MAGI2: variants seen among roughly 807,000 people sequenced by gnomAD.
The protein encoded by MAGI2 is membrane-associated guanylate kinase, WW and PDZ domain-containing protein 2.
MAGI2 carries 35 observed loss-of-function variants against 133.3 expected under a neutral mutation model. That is an observed-to-expected ratio of 0.26 (90% CI 0.20 to 0.35). The LOEUF (loss-of-function observed/expected upper bound fraction) is 0.35. Ranked by LOEUF, MAGI2 falls within the 10% of genes least tolerant of loss-of-function variation. MAGI2 has a pLI of 1.00. For missense variants in MAGI2, 1,636 were observed against 1,863.4 expected (o/e 0.88, Z 2.25); for synonymous variants, 729 against 710.6 (o/e 1.03, Z -0.41).
At chr7:79,212,617 G>A (rs969676499) in intron 1 of MAGI2, among the ~76,000 whole-genome samples, 4 of 152,022 alleles carry the variant, frequency 2.6e-5, no homozygotes, top group Admixed American at 2.6e-4. Flanking sequence ...AACTGTAACT[G>A]GGATTCTTCG....
chr7:79,420,010 A>T lies in MAGI2; in HGVS notation c.301+33010T>A, dbSNP rs116208775. On this transcript the variant is annotated intron_variant, in intron 1 of 21. Transcript: ENST00000354212. Reference sequence around the variant, plus strand: ...ACAAGGGCATATTATTGGTTACATCAATGCACAGTGGGATGTCTCACTAGA... The same window carrying T: ...ACAAGGGCATATTATTGGTTACATCTATGCACAGTGGGATGTCTCACTAGA... Among the ~76,000 whole-genome samples, 432 of 152,184 alleles carry T rather than the reference A, an allele frequency of 2.8e-3. 5 individuals carry two copies. The highest frequency in any genetic ancestry group is 0.01 in the African/African-American group (417 of 41,574).
chr7:79,189,137 T>C (rs1827428537), intron 1 of MAGI2, among the ~76,000 whole-genome samples: 1 of 151,708 alleles, frequency 6.6e-6, no homozygotes, highest in Admixed American at 6.6e-5. Context: ...TTTGTGATCA[T>C]TAGGTCAAAG....
At chr7:79,101,842 AC>A in intron 1 of MAGI2, among the ~76,000 whole-genome samples, 1 of 151,808 alleles carries the variant, frequency 6.6e-6, no homozygotes, top group Non-Finnish European at 1.5e-5. Context: ...TTTAAAATTC[AC>A]TTTTATTATC....
intron 2 of MAGI2, among the ~76,000 whole-genome samples, chr7:78,664,876 T>C (rs1468300045): frequency 6.6e-6 from 1 of 152,032 alleles, no homozygotes; most frequent in East Asian, 1.9e-4. Flanking sequence ...ATTCTCATAG[T>C]AAAAAATACT....
chr7:79,292,770 C>CAA lies in MAGI2; in HGVS notation c.301+160248_301+160249dup, dbSNP rs199933554. Among the ~76,000 whole-genome samples, 467 of 57,340 alleles carry CAA rather than the reference C, an allele frequency of 8.1e-3. 96 individuals carry two copies. The highest frequency in any genetic ancestry group is 0.03 in the African/African-American group (428 of 14,484). 37.6% of individuals were successfully genotyped at this position (57,340 alleles called of 152,430 possible). On this transcript the variant is annotated intron_variant, in intron 1 of 21. Coordinates refer to ENST00000354212, the MANE Select transcript of MAGI2 (RefSeq NM_012301.4). ...TTTTGGACCACTTTGTCAATTTCTG[C>CAA]AAAAAAAAAAAAAAAAAAAAAAAAA... is the stretch of plus-strand genomic sequence containing the variant.
rs570603920 is a variant in MAGI2, at chr7:78,778,491, C to T, written c.419-151252G>A. Among the ~76,000 whole-genome samples the T allele has an allele frequency of 4.6e-5, 7 of 152,270 alleles. No individual in the cohort carries two copies. In the South Asian group the frequency reaches 1.0e-3, roughly 23 times the overall value. On this transcript the variant is annotated intron_variant, in intron 2 of 21. Coordinates refer to ENST00000354212, the MANE Select transcript of MAGI2 (RefSeq NM_012301.4). ...TTTGTATAATCTTAAAAGTTAAAAA[C>T]ATTCCTTAGAAGTAGAAACTAAAAA...
intron 1 of MAGI2, among the ~76,000 whole-genome samples, chr7:79,214,399 CTCTCTCTCTATATATATATA>C (rs1181346485): frequency 1.7e-4 from 12 of 72,164 alleles, no homozygotes; most frequent in African/African-American, 7.3e-4. Flanking sequence ...CTCTCTCTCT[CTCTCTCTCTATATATATATA>C]TATATATATA....
chr7:78,842,215 GTA>G (rs1253090271), intron 2 of MAGI2, among the ~76,000 whole-genome samples: 1 of 151,918 alleles, frequency 6.6e-6, no homozygotes, highest in African/African-American at 2.4e-5. Flanking sequence ...GAAAGAGAAA[GTA>G]TTGCACTGAA....
intron 2 of MAGI2, among the ~76,000 whole-genome samples, chr7:78,808,717 G>T (rs1482950791): frequency 6.6e-6 from 1 of 152,226 alleles, no homozygotes; most frequent in Non-Finnish European, 1.5e-5. Flanking sequence ...CATGTGGTGA[G>T]TTAAGGAGGA....
At chr7:78,516,483 G>C (rs931371587) in intron 4 of MAGI2, among the ~76,000 whole-genome samples, 1 of 152,238 alleles carries the variant, frequency 6.6e-6, no homozygotes, top group Non-Finnish European at 1.5e-5. Flanking sequence ...CTGCCAAGGA[G>C]CTGGGACTAC....
intron 1 of MAGI2, among the ~76,000 whole-genome samples, chr7:79,436,401 C>T (rs1848147635): frequency 6.6e-6 from 1 of 152,078 alleles, no homozygotes; most frequent in Admixed American, 6.5e-5. Flanking sequence ...GAACTATCAA[C>T]AGAGTAAACA....
chr7:79,205,464 G>C (rs1467403371), intron 1 of MAGI2, among the ~76,000 whole-genome samples: 1 of 151,912 alleles, frequency 6.6e-6, no homozygotes, highest in African/African-American at 2.4e-5. Context: ...CTTACCTGCA[G>C]ACCTGTCTTA....
At chr7:79,139,671 G>T (rs866166842) in intron 1 of MAGI2, among the ~76,000 whole-genome samples, 5 of 152,158 alleles carry the variant, frequency 3.3e-5, no homozygotes, top group African/African-American at 4.8e-5. Context: ...TACTATACAC[G>T]AATTGAGTGG....
At chr7:79,256,698 T>C (rs1833707694) in intron 1 of MAGI2, among the ~76,000 whole-genome samples, 1 of 151,866 alleles carries the variant, frequency 6.6e-6, no homozygotes, top group Admixed American at 6.6e-5. Context: ...CCGTGCTGCC[T>C]AAGGCTAGTC....
intron 20 of MAGI2, among the ~76,000 whole-genome samples, chr7:78,119,582 A>C (rs1220866905): frequency 6.6e-6 from 1 of 150,930 alleles, no homozygotes; most frequent in African/African-American, 2.4e-5. Flanking sequence ...AAAAAAAAAA[A>C]AGAATGTACA....
chr7:78,908,321 C>T (rs1798136524), intron 2 of MAGI2, among the ~76,000 whole-genome samples: 1 of 152,102 alleles, frequency 6.6e-6, no homozygotes, highest in Admixed American at 6.5e-5. Flanking sequence ...GGAAGTATAC[C>T]AGTGTTTAAA....
At chr7:78,873,879 G>C (rs1378638884) in intron 2 of MAGI2, among the ~76,000 whole-genome samples, 1 of 151,936 alleles carries the variant, frequency 6.6e-6, no homozygotes, top group African/African-American at 2.4e-5. Context: ...GCTCACAGGG[G>C]AGAGGTAATG....
intron 1 of MAGI2, among the ~76,000 whole-genome samples, chr7:79,310,235 CG>C (rs1838174899): frequency 8.0e-6 from 1 of 124,660 alleles, no homozygotes; most frequent in Non-Finnish European, 1.6e-5. Flanking sequence ...GTTAAATATT[CG>C]AATGCATTTT....
chr7:78,504,471 G>A (rs1794912480), intron 4 of MAGI2, among the ~76,000 whole-genome samples: 1 of 152,078 alleles, frequency 6.6e-6, no homozygotes, highest in South Asian at 2.1e-4. Flanking sequence ...TACCGTTAGG[G>A]TAAATACGAA....
Sources: gnomAD v4.1 joint callset for allele counts (sites outside exome capture counted in the v4.1 genomes callset) on GRCh38, gnomAD v4.1.1 for gene constraint, MANE v1.5 for transcripts, NCBI Gene and HGNC (gene_info 2026-07-23, HGNC 2026-07-21) for gene names.